The following DIAPH3 variants were observed in gnomAD, a reference collection of about 807,000 sequenced individuals.
DIAPH3 encodes the protein diaphanous related formin 3.
Under a neutral mutation model 144.3 loss-of-function variants are expected in DIAPH3, and 117 were observed. That is an observed-to-expected ratio of 0.81 (90% CI 0.70 to 0.95). The LOEUF is 0.95. Among genes scored for constraint, DIAPH3 ranks in the 40% least tolerant of loss-of-function variants. The pLI, the probability that DIAPH3 is intolerant of heterozygous loss-of-function variation, is 0.00. For synonymous variants in DIAPH3, 519 were observed against 488.9 expected, an observed-to-expected ratio of 1.06 and a Z score of -0.81; for missense variants, 1,421 against 1,412.7, an observed-to-expected ratio of 1.01 and a Z score of -0.09.
chr13:59,910,567 A>C (rs191245749), intron 20 of DIAPH3, among the ~76,000 whole-genome samples: 1 of 151,856 alleles, frequency 6.6e-6, no homozygotes, highest in Non-Finnish European at 1.5e-5. Context: ...ATCTCTATTA[A>C]AAATACAAAA....
intron 20 of DIAPH3, among the ~76,000 whole-genome samples, chr13:59,910,189 C>T (rs1427796105): frequency 6.7e-6 from 1 of 148,180 alleles, no homozygotes; most frequent in Non-Finnish European, 1.5e-5. Flanking sequence ...AAAAAAAACA[C>T]TCTAAATAGT....
chr13:59,990,325 A>T (rs1168684474), intron 12 of DIAPH3, among the ~76,000 whole-genome samples: 2 of 151,842 alleles, frequency 1.3e-5, no homozygotes, highest in African/African-American at 4.8e-5. Context: ...TACCCCGAGG[A>T]CACAGCCTGA....
intron 20 of DIAPH3, among the ~76,000 whole-genome samples, chr13:59,892,927 T>C (rs2045894979): frequency 6.6e-6 from 1 of 152,082 alleles, no homozygotes; most frequent in Non-Finnish European, 1.5e-5. Flanking sequence ...AGGCATAGCA[T>C]GCAATCACTA....
chr13:60,150,470 C>T (rs545025858), intron 1 of DIAPH3, among the ~76,000 whole-genome samples: 1 of 152,180 alleles, frequency 6.6e-6, no homozygotes, highest in Non-Finnish European at 1.5e-5. Context: ...ACCCATCATG[C>T]CCTATTCCCA....
intron 20 of DIAPH3, among the ~76,000 whole-genome samples, chr13:59,886,973 C>T (rs2045493892): frequency 6.6e-6 from 1 of 152,000 alleles, no homozygotes; most frequent in Non-Finnish European, 1.5e-5. Flanking sequence ...ACCAGGTTCT[C>T]AACCATAAAA....
chr13:59,784,660 A>G (rs1016413673), intron 25 of DIAPH3, among the ~76,000 whole-genome samples: 1 of 152,170 alleles, frequency 6.6e-6, no homozygotes, highest in Non-Finnish European at 1.5e-5. Flanking sequence ...TACAGGTGTG[A>G]GCCACCACGC....
intron 27 of DIAPH3, among the ~76,000 whole-genome samples, chr13:59,682,374 T>C (rs955967363): frequency 1.3e-5 from 2 of 152,132 alleles, no homozygotes; most frequent in African/African-American, 2.4e-5. Context: ...CAGGCTGGGG[T>C]GCAGTGGCAC....
Position 59,970,903 on chromosome 13 carries a change from T to A in DIAPH3, c.1908A>T (p.Pro636=). Residue 636 remains proline (P), a synonymous_variant, in exon 16 of 28, where the codon CCA becomes CCT. Coordinates refer to ENST00000400324, the MANE Select transcript of DIAPH3 (RefSeq NM_001042517.2). The part of the protein sequence containing the change: ...PLPILPFGLK[P]KKEFKPEISM... The stretch of plus-strand genomic sequence containing the variant: ...TGATTTCAGGTTTAAATTCTTTCTT[T>A]GGTTTCAACCCAAATGGCAGGATTG... 1 of 1,613,882 alleles carries A rather than the reference T, an allele frequency of 6.2e-7. No individual in the cohort carries two copies. Among genetic ancestry groups the A allele is most frequent in the Non-Finnish European group, 8.5e-7 (1 of 1,179,972 alleles).
At chr13:59,872,140 TTTC>T (rs1735808073) in intron 21 of DIAPH3, among the ~76,000 whole-genome samples, 1 of 152,200 alleles carries the variant, frequency 6.6e-6, no homozygotes, top group African/African-American at 2.4e-5. Context: ...TGCTCTTCTT[TTTC>T]TTGTTTCCTA....
intron 27 of DIAPH3, among the ~76,000 whole-genome samples, chr13:59,757,182 G>A (rs1201711946): frequency 6.6e-6 from 1 of 151,924 alleles, no homozygotes; most frequent in Non-Finnish European, 1.5e-5. Context: ...TTAGATGAAC[G>A]GACATGTCCA....
At chr13:59,842,373 A>G (rs1021859718) in intron 22 of DIAPH3, among the ~76,000 whole-genome samples, 1 of 152,198 alleles carries the variant, frequency 6.6e-6, no homozygotes, top group Non-Finnish European at 1.5e-5. Context: ...GGACTCCCAT[A>G]TGAGAAAAAG....
At chr13:60,062,536 C>A (rs987309427) in intron 4 of DIAPH3, among the ~76,000 whole-genome samples, 1 of 152,034 alleles carries the variant, frequency 6.6e-6, no homozygotes, top group Non-Finnish European at 1.5e-5. Flanking sequence ...AAGCACAACC[C>A]CTCATGAACA....
intron 17 of DIAPH3, among the ~76,000 whole-genome samples, chr13:59,950,878 AC>A (rs2049058486): frequency 6.6e-6 from 1 of 152,158 alleles, no homozygotes. Flanking sequence ...CTGCTAGAAA[AC>A]AAAAGTTTTG....
At chr13:59,874,860 A>G (rs552082707) in intron 21 of DIAPH3, among the ~76,000 whole-genome samples, 1 of 152,222 alleles carries the variant, frequency 6.6e-6, no homozygotes, top group African/African-American at 2.4e-5. Context: ...TGTTGTATTG[A>G]TCAGAATGAT....
At chr13:59,911,705 T>C in intron 20 of DIAPH3, 30 bp downstream of exon 20, 1 of 1,547,720 alleles carries the variant, frequency 6.5e-7, no homozygotes, top group Non-Finnish European at 8.9e-7. Flanking sequence ...TGGCACAGTA[T>C]AAAAATCCTC....
chr13:60,010,520 T>C lies in DIAPH3; in HGVS notation c.908+13A>G, dbSNP rs779900924. The stretch of plus-strand genomic sequence containing the variant: ...TTATTATATAATTAGGGGAATATGT[T>C]GATAACACTTACATGCTTTCTTCCC... On this transcript the variant is annotated intron_variant, in intron 8 of 27. Transcript: ENST00000400324. 1 of 1,564,036 alleles carries C rather than the reference T, an allele frequency of 6.4e-7. No homozygotes were observed. The highest frequency in any genetic ancestry group is 8.7e-7 in the Non-Finnish European group (1 of 1,151,242).
chr13:59,791,050 A>G (rs2039302129), intron 25 of DIAPH3, among the ~76,000 whole-genome samples: 1 of 152,212 alleles, frequency 6.6e-6, no homozygotes, highest in African/African-American at 2.4e-5. Flanking sequence ...ATAGCTCGCT[A>G]TAATAATCTC....
At chr13:60,154,410 CT>C (rs1951931366) in intron 1 of DIAPH3, among the ~76,000 whole-genome samples, 1 of 152,114 alleles carries the variant, frequency 6.6e-6, no homozygotes, top group Non-Finnish European at 1.5e-5. Context: ...GATTCAACCC[CT>C]GAGAGTGGTT....
At chr13:59,860,841 T>C (rs2043536264) in intron 22 of DIAPH3, among the ~76,000 whole-genome samples, 1 of 152,212 alleles carries the variant, frequency 6.6e-6, no homozygotes, top group South Asian at 2.1e-4. Flanking sequence ...AATAGCTCTA[T>C]CCGTTCTATG....
Sources: allele counts gnomAD v4.1 joint callset (sites outside exome capture counted in the v4.1 genomes callset), GRCh38; gene constraint gnomAD v4.1.1; transcripts MANE v1.5; gene names NCBI Gene and HGNC (gene_info 2026-07-23, HGNC 2026-07-21).